ARK2N: variants seen among roughly 807,000 people sequenced by gnomAD.
ARK2N encodes the protein arkadia (RNF111) N-terminal like PKA signaling regulator 2N, also known as protein ARK2N.
chr18:46,213,536 ACTCC>A, the ARK2N span, among the ~76,000 whole-genome samples: 1 of 151,548 alleles, frequency 6.6e-6, no homozygotes, highest in South Asian at 2.1e-4. Flanking sequence ...TTTAACTGTT[ACTCC>A]CTCTGTTGGC....
chr18:46,228,389 A>G, the ARK2N span, among the ~76,000 whole-genome samples: 1 of 152,006 alleles, frequency 6.6e-6, no homozygotes, highest in Non-Finnish European at 1.5e-5. Flanking sequence ...TTAATATATT[A>G]AGCATGCTTT....
chr18:46,207,019 T>C, the ARK2N span, among the ~76,000 whole-genome samples: 2 of 152,248 alleles, frequency 1.3e-5, no homozygotes, highest in South Asian at 4.1e-4. Flanking sequence ...CAAGCAATCC[T>C]CCCACTTTGA....
the ARK2N span, among the ~76,000 whole-genome samples, chr18:46,178,675 C>T: frequency 1.3e-5 from 2 of 151,986 alleles, no homozygotes; most frequent in African/African-American, 2.4e-5. Flanking sequence ...AATCCCAGCA[C>T]GTTGGGAGGC....
the ARK2N span, among the ~76,000 whole-genome samples, chr18:46,204,873 A>T: frequency 1.4e-4 from 21 of 151,494 alleles, no homozygotes; most frequent in African/African-American, 5.1e-4. Flanking sequence ...AGGAAGGACG[A>T]TACAGTTTTA....
the ARK2N span, among the ~76,000 whole-genome samples, chr18:46,184,041 T>C: frequency 6.8e-6 from 1 of 147,830 alleles, no homozygotes; most frequent in East Asian, 1.9e-4. Flanking sequence ...CCCGGGCTGG[T>C]GTGCAGTGGC....
chr18:46,228,684 C>T, the ARK2N span: 32 of 396,624 alleles, frequency 8.1e-5, no homozygotes, highest in Non-Finnish European at 1.3e-4. Context: ...CTCCCAGGTT[C>T]AAGCAATCCT....
the ARK2N span, among the ~76,000 whole-genome samples, chr18:46,213,931 A>G: frequency 6.6e-6 from 1 of 152,154 alleles, no homozygotes; most frequent in Admixed American, 6.5e-5. Context: ...TTCCAACCTC[A>G]GGTGATCCAC....
the ARK2N span, among the ~76,000 whole-genome samples, chr18:46,201,198 G>T: frequency 1.3e-5 from 2 of 151,852 alleles, no homozygotes; most frequent in African/African-American, 4.8e-5. Context: ...GCCCAAGCTG[G>T]TCTTGAACTC....
the ARK2N span, among the ~76,000 whole-genome samples, chr18:46,240,397 T>C: frequency 6.6e-6 from 1 of 152,206 alleles, no homozygotes; most frequent in Middle Eastern, 3.2e-3. Flanking sequence ...GAAGTAGAAA[T>C]AAGAGCATTT....
the ARK2N span, among the ~76,000 whole-genome samples, chr18:46,255,445 C>CTTTTTTTTTTTTTTTTTTTT: frequency 2.6e-5 from 2 of 77,738 alleles, no homozygotes; most frequent in African/African-American, 1.2e-4. Flanking sequence ...CTTTTCTTTT[C>CTTTTTTTTTTTTTTTTTTTT]TTTTTTTTTT....
At chr18:46,179,453 T>C in the ARK2N span, among the ~76,000 whole-genome samples, 235 of 152,276 alleles carry the variant, frequency 1.5e-3, 1 homozygote, top group Non-Finnish European at 2.7e-3. Context: ...AGAACTCTTA[T>C]GATTCCACTT....
chr18:46,231,566 CTTTTTTTTT>C, the ARK2N span, among the ~76,000 whole-genome samples: 3 of 100,766 alleles, frequency 3.0e-5, no homozygotes, highest in African/African-American at 1.1e-4. Flanking sequence ...AGGTTTGGGG[CTTTTTTTTT>C]TTTTTTTTTT....
the ARK2N span, among the ~76,000 whole-genome samples, chr18:46,184,057 C>T: frequency 2.0e-5 from 3 of 152,062 alleles, no homozygotes; most frequent in Admixed American, 6.6e-5. Flanking sequence ...GTGGCATGAT[C>T]TCAGCTACTT....
At chr18:46,245,596 A>AG in the ARK2N span, among the ~76,000 whole-genome samples, 2 of 151,748 alleles carry the variant, frequency 1.3e-5, no homozygotes, top group African/African-American at 4.8e-5. Flanking sequence ...AAAGAAAGAA[A>AG]AAAAGAACTA....
chr18:46,236,994 C>T, the ARK2N span, among the ~76,000 whole-genome samples: 56 of 151,972 alleles, frequency 3.7e-4, no homozygotes, highest in Non-Finnish European at 6.5e-4. Flanking sequence ...TCCCAAGTAG[C>T]TGGGATTACA....
the ARK2N span, among the ~76,000 whole-genome samples, chr18:46,200,880 A>G: frequency 2.0e-5 from 3 of 152,316 alleles, no homozygotes; most frequent in South Asian, 4.1e-4. Flanking sequence ...ACTACACACA[A>G]ATAAATGCCT....
the ARK2N span, among the ~76,000 whole-genome samples, chr18:46,227,271 C>T: frequency 6.6e-6 from 1 of 152,074 alleles, no homozygotes; most frequent in Non-Finnish European, 1.5e-5. Flanking sequence ...CGTATATAAA[C>T]AATCAAGATC....
the ARK2N span, among the ~76,000 whole-genome samples, chr18:46,227,447 G>GT: frequency 5.9e-5 from 9 of 151,938 alleles, no homozygotes; most frequent in East Asian, 1.9e-4. Flanking sequence ...TGCTTTATTT[G>GT]TTTTTTTCCT....
the ARK2N span, among the ~76,000 whole-genome samples, chr18:46,219,721 T>A: frequency 4.6e-5 from 7 of 152,206 alleles, no homozygotes; most frequent in Non-Finnish European, 1.0e-4. Flanking sequence ...CCGCTTGCCT[T>A]GGCCTCCCAA....
Sources: gnomAD v4.1 joint callset for allele counts (sites outside exome capture counted in the v4.1 genomes callset) on GRCh38, gnomAD v4.1.1 for gene constraint, MANE v1.5 for transcripts, NCBI Gene and HGNC (gene_info 2026-07-23, HGNC 2026-07-21) for gene names.